BBS9: variants seen among roughly 807,000 people sequenced by gnomAD.
BBS9 encodes protein PTHB1.
BBS9 carries 89 observed loss-of-function variants against 117.7 expected under a neutral mutation model. The observed-to-expected ratio is 0.76, with a 90% CI of 0.64 to 0.90. The LOEUF (loss-of-function observed/expected upper bound fraction) is 0.90. Ranked by LOEUF, BBS9 falls within the 40% of genes least tolerant of loss-of-function variation. The pLI, the probability that BBS9 is intolerant of heterozygous loss-of-function variation, is 0.00. For synonymous variants in BBS9, 379 were observed against 370.9 expected (o/e 1.02, Z -0.25); for missense variants, 982 against 1,042.2 (o/e 0.94, Z 0.80).
intron 5 of BBS9, among the ~76,000 whole-genome samples, chr7:33,240,549 A>G (rs1046747242): frequency 6.6e-6 from 1 of 152,054 alleles, no homozygotes. Context: ...CACTGGGCCC[A>G]CCCATTGTTC....
intron 21 of BBS9, among the ~76,000 whole-genome samples, chr7:33,545,924 CTTTTTTTTTTTTTTTT>C (rs10537037): frequency 1.5e-5 from 1 of 64,580 alleles, no homozygotes; most frequent in Admixed American, 2.4e-4. Context: ...CTTTATAATC[CTTTTTTTTTTTTTTTT>C]TTTTTTTTTT....
intron 6 of BBS9, among the ~76,000 whole-genome samples, chr7:33,260,640 G>A (rs1172776496): frequency 6.6e-6 from 1 of 152,218 alleles, no homozygotes; most frequent in African/African-American, 2.4e-5. Context: ...CATACACTGT[G>A]CAAGGTACTG....
chr7:33,422,900 C>T (rs893632456), intron 19 of BBS9, among the ~76,000 whole-genome samples: 6 of 152,122 alleles, frequency 3.9e-5, no homozygotes, highest in African/African-American at 9.7e-5. Flanking sequence ...ATGAGCCATC[C>T]GTGCCTGGCC....
chr7:33,568,252 G>C (rs992427954), intron 21 of BBS9, among the ~76,000 whole-genome samples: 7 of 152,016 alleles, frequency 4.6e-5, no homozygotes, highest in African/African-American at 1.7e-4. Flanking sequence ...CCTCTCTGGA[G>C]CTCCTGCCTC....
At chr7:33,594,424 G>C (rs982743920) in intron 21 of BBS9, among the ~76,000 whole-genome samples, 2 of 18,000 alleles carry the variant, frequency 1.1e-4, no homozygotes, top group Non-Finnish European at 2.0e-4. Context: ...TGTCAATGTG[G>C]TCAGCATTGT....
chr7:33,149,460 C>T (rs977394824), intron 2 of BBS9, among the ~76,000 whole-genome samples: 1 of 152,100 alleles, frequency 6.6e-6, no homozygotes, highest in African/African-American at 2.4e-5. Context: ...CCTTGTTAAT[C>T]TTGATAGTAC....
chr7:33,396,235 A>G (rs1827936230), intron 19 of BBS9, among the ~76,000 whole-genome samples: 1 of 152,206 alleles, frequency 6.6e-6, no homozygotes, highest in Non-Finnish European at 1.5e-5. Flanking sequence ...ATTATTAATT[A>G]TCTTTGCAGG....
chr7:33,271,364 C>G (rs576265451), intron 7 of BBS9, among the ~76,000 whole-genome samples: 3 of 152,284 alleles, frequency 2.0e-5, no homozygotes, highest in East Asian at 1.9e-4. Context: ...CCACACGTAT[C>G]AATACTAACC....
At chr7:33,361,730 CTTAA>C (rs1820654464) in intron 16 of BBS9, among the ~76,000 whole-genome samples, 1 of 151,876 alleles carries the variant, frequency 6.6e-6, no homozygotes, top group Non-Finnish European at 1.5e-5. Flanking sequence ...AGTAAAATTT[CTTAA>C]TTACTTTCTT....
chr7:33,618,103 G>A (rs1378224203), intron 21 of BBS9, among the ~76,000 whole-genome samples: 1 of 152,052 alleles, frequency 6.6e-6, no homozygotes, highest in Non-Finnish European at 1.5e-5. Context: ...ACTTTAGGAG[G>A]CCAAGGCAGG....
chr7:33,181,264 C>G (rs1798064621), intron 5 of BBS9, among the ~76,000 whole-genome samples: 3 of 152,076 alleles, frequency 2.0e-5, no homozygotes, highest in Admixed American at 6.6e-5. Flanking sequence ...TGGGACACTT[C>G]TAATATGAGA....
chr7:33,329,278 C>T (rs1813486668), intron 9 of BBS9, among the ~76,000 whole-genome samples: 1 of 152,130 alleles, frequency 6.6e-6, no homozygotes. Flanking sequence ...ACCTTGGCCT[C>T]CCAAAGTGCT....
chr7:33,592,513 A>G (rs1411605461), intron 21 of BBS9, among the ~76,000 whole-genome samples: 1 of 152,112 alleles, frequency 6.6e-6, no homozygotes, highest in Non-Finnish European at 1.5e-5. Flanking sequence ...TTAAACAAAT[A>G]TATCGCTAGA....
chr7:33,524,488 G>A (rs1247079071), intron 20 of BBS9, among the ~76,000 whole-genome samples: 1 of 152,188 alleles, frequency 6.6e-6, no homozygotes, highest in African/African-American at 2.4e-5. Flanking sequence ...GAGGGTGTAT[G>A]TGTCGAGGAA....
At chr7:33,142,210 C>T (rs962545758) in intron 1 of BBS9, among the ~76,000 whole-genome samples, 12 of 152,118 alleles carry the variant, frequency 7.9e-5, no homozygotes, top group African/African-American at 1.2e-4. Flanking sequence ...TGTGAGCCAC[C>T]GCGCCTGGCC....
At chr7:33,441,333 A>G (rs1212321687) in intron 19 of BBS9, among the ~76,000 whole-genome samples, 1 of 152,082 alleles carries the variant, frequency 6.6e-6, no homozygotes, top group Non-Finnish European at 1.5e-5. Flanking sequence ...CAATCTTTCA[A>G]ATCTTGGAAA....
At chr7:33,534,411 A>T (rs1585160794) in intron 21 of BBS9, 1 of 569,310 alleles carries the variant, frequency 1.8e-6, no homozygotes, top group Non-Finnish European at 3.1e-6. Context: ...TCTGCTTTTA[A>T]ATATATGATC....
chr7:33,297,654 A>G (rs908860577), intron 9 of BBS9, among the ~76,000 whole-genome samples: 3 of 152,140 alleles, frequency 2.0e-5, no homozygotes, highest in African/African-American at 4.8e-5. Context: ...GTATCTCACA[A>G]TATTACCAAT....
chr7:33,468,562 A>G (rs183155708), intron 19 of BBS9, among the ~76,000 whole-genome samples: 6 of 152,316 alleles, frequency 3.9e-5, no homozygotes, highest in African/African-American at 1.2e-4. Flanking sequence ...CTTGAAATAT[A>G]TAACAAACTA....
Sources: gnomAD v4.1 joint callset for allele counts (sites outside exome capture counted in the v4.1 genomes callset) on GRCh38, gnomAD v4.1.1 for gene constraint, MANE v1.5 for transcripts, NCBI Gene and HGNC (gene_info 2026-07-23, HGNC 2026-07-21) for gene names.